MIS18A: variants seen among roughly 807,000 people sequenced by gnomAD.
MIS18A encodes MIS18 kinetochore protein A, also known as protein Mis18-alpha.
MIS18A carries 14 observed loss-of-function variants against 25.0 expected under a neutral mutation model. That is an observed-to-expected ratio of 0.56 (90% CI 0.37 to 0.88). The LOEUF is 0.88. Ranked by LOEUF, MIS18A falls within the 40% of genes least tolerant of loss-of-function variation. MIS18A has a pLI of 0.00. For synonymous variants in MIS18A, 134 were observed against 118.6 expected (o/e 1.13, Z -0.84); for missense variants, 292 against 290.8 (o/e 1.00, Z -0.03).
the MIS18A span, among the ~76,000 whole-genome samples, chr21:32,183,180 A>T: frequency 6.6e-6 from 1 of 152,266 alleles, no homozygotes; most frequent in East Asian, 1.9e-4. Flanking sequence ...TAGTCCATTG[A>T]ACCAATGTCA....
chr21:32,165,316 C>T, the MIS18A span, among the ~76,000 whole-genome samples: 6 of 151,506 alleles, frequency 4.0e-5, no homozygotes, highest in African/African-American at 1.5e-4. Context: ...AAGAATGAAA[C>T]ACATGAAGAA....
chr21:32,195,504 T>C, the MIS18A span, among the ~76,000 whole-genome samples: 4 of 152,206 alleles, frequency 2.6e-5, no homozygotes, highest in Non-Finnish European at 5.9e-5. Flanking sequence ...GCTAGCCAGT[T>C]GGAAGCCCCT....
chr21:32,218,740 G>A, the MIS18A span, among the ~76,000 whole-genome samples: 1 of 152,018 alleles, frequency 6.6e-6, no homozygotes, highest in African/African-American at 2.4e-5. Flanking sequence ...GGGAATAGTG[G>A]AGGAATAAAA....
At chr21:32,165,693 G>C in the MIS18A span, among the ~76,000 whole-genome samples, 1 of 152,004 alleles carries the variant, frequency 6.6e-6, no homozygotes, top group Admixed American at 6.6e-5. Context: ...TGACTGAGTG[G>C]GGGCAAGAAA....
At chr21:32,201,403 T>C in the MIS18A span, among the ~76,000 whole-genome samples, 1 of 152,072 alleles carries the variant, frequency 6.6e-6, no homozygotes, top group African/African-American at 2.4e-5. Context: ...CCTCAGAACT[T>C]CGGAAGGCAA....
the MIS18A span, among the ~76,000 whole-genome samples, chr21:32,159,151 C>G: frequency 1.3e-5 from 2 of 152,068 alleles, no homozygotes; most frequent in African/African-American, 4.8e-5. Flanking sequence ...TCCTACAATT[C>G]TTAAATTGGA....
At chr21:32,164,475 A>C in the MIS18A span, among the ~76,000 whole-genome samples, 1 of 152,152 alleles carries the variant, frequency 6.6e-6, no homozygotes, top group Non-Finnish European at 1.5e-5. Context: ...TACATATTTA[A>C]TATAGTGTGT....
the MIS18A span, among the ~76,000 whole-genome samples, chr21:32,262,048 C>T: frequency 6.6e-6 from 1 of 152,244 alleles, no homozygotes; most frequent in African/African-American, 2.4e-5. Context: ...GGGAAGAAGG[C>T]AGCCATGCAC....
At chr21:32,157,859 T>C in the MIS18A span, among the ~76,000 whole-genome samples, 1 of 152,198 alleles carries the variant, frequency 6.6e-6, no homozygotes, top group African/African-American at 2.4e-5. Context: ...CTATTTTAAC[T>C]GTTTAGTAAC....
At chr21:32,258,112 G>A in the MIS18A span, among the ~76,000 whole-genome samples, 28 of 152,082 alleles carry the variant, frequency 1.8e-4, no homozygotes, top group Admixed American at 2.6e-4. Context: ...CCTCTCAGCC[G>A]GCAACTCCAA....
At chr21:32,238,229 G>A in the MIS18A span, among the ~76,000 whole-genome samples, 12 of 152,296 alleles carry the variant, frequency 7.9e-5, no homozygotes, top group African/African-American at 2.9e-4. Context: ...CAAATTTCTT[G>A]TAAGAATCCA....
chr21:32,254,099 T>C, the MIS18A span, among the ~76,000 whole-genome samples: 1 of 151,890 alleles, frequency 6.6e-6, no homozygotes, highest in Middle Eastern at 3.2e-3. Context: ...AGTGTGGTGG[T>C]GTGTGCCTGT....
the MIS18A span, among the ~76,000 whole-genome samples, chr21:32,241,304 A>T: frequency 2.6e-5 from 4 of 152,274 alleles, no homozygotes; most frequent in African/African-American, 9.6e-5. Context: ...AACACAATTA[A>T]AATCCGAGCA....
the MIS18A span, among the ~76,000 whole-genome samples, chr21:32,245,777 C>T: frequency 6.6e-6 from 1 of 152,186 alleles, no homozygotes; most frequent in African/African-American, 2.4e-5. Context: ...CCTGATCTTT[C>T]CTTCTATGAG....
At chr21:32,197,020 T>C in the MIS18A span, among the ~76,000 whole-genome samples, 1 of 151,552 alleles carries the variant, frequency 6.6e-6, no homozygotes, top group African/African-American at 2.4e-5. Context: ...TATTTTAATC[T>C]CAGGACAGCA....
the MIS18A span, among the ~76,000 whole-genome samples, chr21:32,221,923 T>A: frequency 6.6e-6 from 1 of 151,362 alleles, no homozygotes; most frequent in South Asian, 2.1e-4. Context: ...AATGACAGAA[T>A]CAAATTCACA....
the MIS18A span, among the ~76,000 whole-genome samples, chr21:32,203,138 T>G: frequency 2.0e-5 from 3 of 151,288 alleles, no homozygotes; most frequent in South Asian, 6.3e-4. Flanking sequence ...TAAGAAACTC[T>G]TCCAGAAAGT....
At chr21:32,185,278 C>G in the MIS18A span, among the ~76,000 whole-genome samples, 1 of 152,148 alleles carries the variant, frequency 6.6e-6, no homozygotes, top group African/African-American at 2.4e-5. Flanking sequence ...CCAGGAGGGA[C>G]TTAACTGATT....
chr21:32,269,070 T>C lies in MIS18A; in HGVS notation c.669A>G (p.Glu223=). ...TACAAGTGGCAAAGGACAATTTGGA[T>C]TCGGCCTCCCACAGCTTCATTTGTA... is the stretch of plus-strand genomic sequence containing the variant. ...KALQMKLWEA[E]SKLSFATCKS Residue 223 remains glutamate, a synonymous_variant, in exon 5 of 5, where the codon GAA becomes GAG. Transcript: ENST00000290130. 2.5e-6 allele frequency: 4 copies of C among 1,605,962 alleles called. No individual in the cohort carries two copies. The highest frequency in any genetic ancestry group is 3.4e-6 in the Non-Finnish European group (4 of 1,174,960).
Sources: gnomAD v4.1 joint callset for allele counts (sites outside exome capture counted in the v4.1 genomes callset) on GRCh38, gnomAD v4.1.1 for gene constraint, MANE v1.5 for transcripts, NCBI Gene and HGNC (gene_info 2026-07-23, HGNC 2026-07-21) for gene names.